ARL15: variants seen among roughly 807,000 people sequenced by gnomAD.
ARL15 encodes the protein ADP-ribosylation factor-like protein 15.
Under a neutral mutation model 25.2 loss-of-function variants are expected in ARL15, and 19 were observed. The observed-to-expected ratio is 0.75, with a 90% confidence interval of 0.53 to 1.10. ARL15 has a LOEUF of 1.10. Among genes scored for constraint, ARL15 ranks in the 50% least tolerant of loss-of-function variants. The pLI is 0.00. For synonymous variants in ARL15, 94 were observed against 86.8 expected, an observed-to-expected ratio of 1.08 and a Z score of -0.46; for missense variants, 220 against 246.0, an observed-to-expected ratio of 0.89 and a Z score of 0.71.
chr5:54,141,783 T>C (rs1174686473), intron 3 of ARL15, among the ~76,000 whole-genome samples: 3 of 152,218 alleles, frequency 2.0e-5, no homozygotes, highest in African/African-American at 7.2e-5. Flanking sequence ...TTCTAAAATT[T>C]TATATAAATA....
chr5:53,996,270 CGAAATGCGAGTACCA>C (rs1015734071), intron 4 of ARL15, among the ~76,000 whole-genome samples: 33 of 152,256 alleles, frequency 2.2e-4, no homozygotes, highest in African/African-American at 7.9e-4. Flanking sequence ...CTCTGGTTGA[CGAAATGCGAGTACCA>C]GAACAGAGCT....
At chr5:54,281,540 T>C (rs536402650) in intron 1 of ARL15, among the ~76,000 whole-genome samples, 80 of 152,286 alleles carry the variant, frequency 5.3e-4, no homozygotes, top group African/African-American at 1.8e-3. Flanking sequence ...TTTGGATGCT[T>C]AGCAATACCC....
intron 4 of ARL15, among the ~76,000 whole-genome samples, chr5:54,006,385 C>A: frequency 6.6e-6 from 1 of 151,674 alleles, no homozygotes; most frequent in East Asian, 1.9e-4. Flanking sequence ...AGACCGAGTA[C>A]ACATGGATAT....
At chr5:53,958,990 TAGAA>T (rs991390555) in intron 4 of ARL15, among the ~76,000 whole-genome samples, 2 of 152,094 alleles carry the variant, frequency 1.3e-5, no homozygotes, top group African/African-American at 4.8e-5. Flanking sequence ...CTTTCAATAA[TAGAA>T]AGAATATCTA....
chr5:54,227,318 C>T (rs1283974598), intron 1 of ARL15, among the ~76,000 whole-genome samples: 4 of 152,206 alleles, frequency 2.6e-5, no homozygotes, highest in African/African-American at 9.6e-5. Flanking sequence ...AGCCACAGCA[C>T]ATCCTCCTGC....
intron 4 of ARL15, among the ~76,000 whole-genome samples, chr5:54,075,122 T>C (rs1198029106): frequency 2.0e-5 from 3 of 147,434 alleles, no homozygotes; most frequent in African/African-American, 7.5e-5. Flanking sequence ...CTGTATTACT[T>C]TAAATAAGTT....
At chr5:53,894,307 G>A (rs1744805312) in intron 4 of ARL15, among the ~76,000 whole-genome samples, 1 of 152,188 alleles carries the variant, frequency 6.6e-6, no homozygotes, top group South Asian at 2.1e-4. Flanking sequence ...CCTCCGACAT[G>A]TATAGAATTT....
chr5:54,242,328 T>C (rs1054228052), intron 1 of ARL15, among the ~76,000 whole-genome samples: 1 of 152,194 alleles, frequency 6.6e-6, no homozygotes, highest in Non-Finnish European at 1.5e-5. Context: ...AAAGGCCTTC[T>C]ATACTTTTCT....
At chr5:54,051,063 G>A (rs2111987105) in intron 4 of ARL15, among the ~76,000 whole-genome samples, 1 of 152,316 alleles carries the variant, frequency 6.6e-6, no homozygotes, top group Non-Finnish European at 1.5e-5. Context: ...GCCTGGCACA[G>A]AATAGGCACT....
chr5:54,253,785 T>C (rs1757299450), intron 1 of ARL15, among the ~76,000 whole-genome samples: 1 of 152,138 alleles, frequency 6.6e-6, no homozygotes, highest in Non-Finnish European at 1.5e-5. Context: ...GAGACAGGAT[T>C]CGTCATCTTG....
At chr5:53,906,443 A>G (rs900142017) in intron 4 of ARL15, among the ~76,000 whole-genome samples, 1 of 152,174 alleles carries the variant, frequency 6.6e-6, no homozygotes, top group African/African-American at 2.4e-5. Flanking sequence ...ACCTGGGGAA[A>G]GAGAAAAAAA....
intron 4 of ARL15, among the ~76,000 whole-genome samples, chr5:54,044,240 ATTTT>A (rs1196537602): frequency 4.7e-5 from 6 of 128,734 alleles, no homozygotes; most frequent in African/African-American, 1.2e-4. Flanking sequence ...CCATTATTTA[ATTTT>A]TTTTTTTTTT....
chr5:54,045,971 G>T (rs568709665), intron 4 of ARL15, among the ~76,000 whole-genome samples: 1 of 152,216 alleles, frequency 6.6e-6, no homozygotes, highest in East Asian at 1.9e-4. Flanking sequence ...TCATGGAAGG[G>T]TACTTATTAG....
chr5:54,039,350 T>C (rs1012473496), intron 4 of ARL15, among the ~76,000 whole-genome samples: 1 of 152,112 alleles, frequency 6.6e-6, no homozygotes, highest in Non-Finnish European at 1.5e-5. Context: ...ACAAAAAGTG[T>C]AGAATAGGTT....
intron 3 of ARL15, among the ~76,000 whole-genome samples, chr5:54,129,954 A>G (rs1234130569): frequency 6.6e-6 from 1 of 152,240 alleles, no homozygotes; most frequent in Non-Finnish European, 1.5e-5. Flanking sequence ...GTCTTAAAAT[A>G]TTGGCTGGAT....
At chr5:53,923,301 T>C (rs1323110617) in intron 4 of ARL15, among the ~76,000 whole-genome samples, 2 of 151,394 alleles carry the variant, frequency 1.3e-5, no homozygotes, top group East Asian at 1.9e-4. Flanking sequence ...TTTGTATTTG[T>C]GGTCTGATTT....
At chr5:54,267,351 A>G (rs1473426715) in intron 1 of ARL15, among the ~76,000 whole-genome samples, 1 of 152,198 alleles carries the variant, frequency 6.6e-6, no homozygotes, top group East Asian at 1.9e-4. Context: ...TCAACCTCCC[A>G]AAGTGCTGGG....
intron 3 of ARL15, among the ~76,000 whole-genome samples, chr5:54,128,567 T>C (rs1753330996): frequency 4.6e-5 from 7 of 152,148 alleles, no homozygotes; most frequent in Admixed American, 4.6e-4. Flanking sequence ...GCAAACCAAA[T>C]AGACATGACC....
intron 4 of ARL15, among the ~76,000 whole-genome samples, chr5:54,007,037 T>G (rs1045621720): frequency 6.6e-6 from 1 of 152,040 alleles, no homozygotes; most frequent in Non-Finnish European, 1.5e-5. Flanking sequence ...GTTGCAAAAC[T>G]CCGTTTCAAA....
Sources: gnomAD v4.1 joint callset for allele counts (sites outside exome capture counted in the v4.1 genomes callset) on GRCh38, gnomAD v4.1.1 for gene constraint, MANE v1.5 for transcripts, NCBI Gene and HGNC (gene_info 2026-07-23, HGNC 2026-07-21) for gene names.